The following CES5A variants were observed in gnomAD, a reference collection of about 807,000 sequenced individuals.
CES5A encodes the protein carboxylesterase 5A, also known as carboxylesterase 5.
CES5A carries 67 observed loss-of-function variants against 62.9 expected under a neutral mutation model. The observed-to-expected ratio is 1.07, with a 90% CI of 0.88 to 1.31. The LOEUF (loss-of-function observed/expected upper bound fraction) is 1.31, where lower values mean the gene tolerates loss of function less well. CES5A is among the 50% of genes most tolerant of loss of function. The pLI is 0.00. For synonymous variants in CES5A, 296 were observed against 280.8 expected, an observed-to-expected ratio of 1.05 and a Z score of -0.54; for missense variants, 748 against 708.5, an observed-to-expected ratio of 1.06 and a Z score of -0.63.
intron 3 of CES5A, 106 bp downstream of exon 3, chr16:55,871,504 ATTACATTTCCCTTTT>A: frequency 9.0e-7 from 1 of 1,107,390 alleles, no homozygotes; most frequent in Non-Finnish European, 1.3e-6. Context: ...TGTTGATGTG[ATTACATTTCCCTTTT>A]ACCCAACAGG....
intron 4 of CES5A, among the ~76,000 whole-genome samples, chr16:55,868,948 G>T (rs1431829496): frequency 6.6e-6 from 1 of 152,228 alleles, no homozygotes; most frequent in African/African-American, 2.4e-5. Context: ...CATGGCAAGT[G>T]CACAGCCCCA....
At chr16:55,910,143 G>A (rs1224498490) in intron 1 of CES5A, among the ~76,000 whole-genome samples, 5 of 152,258 alleles carry the variant, frequency 3.3e-5, no homozygotes, top group South Asian at 2.1e-4. Flanking sequence ...GAGCAATGGC[G>A]ATGTGCCCTG....
intron 1 of CES5A, among the ~76,000 whole-genome samples, chr16:55,916,499 C>T (rs1158620050): frequency 4.6e-5 from 7 of 152,186 alleles, no homozygotes; most frequent in African/African-American, 1.7e-4. Context: ...TGGAGTCAGC[C>T]ATGTCAGATT....
At chr16:55,891,179 G>A (rs2142432908) in intron 1 of CES5A, among the ~76,000 whole-genome samples, 1 of 152,258 alleles carries the variant, frequency 6.6e-6, no homozygotes, top group South Asian at 2.1e-4. Context: ...GGTTTAGCCT[G>A]TGTGGTCTAA....
At chr16:55,854,825 C>A (rs1391541252) in intron 9 of CES5A, among the ~76,000 whole-genome samples, 1 of 151,950 alleles carries the variant, frequency 6.6e-6, no homozygotes, top group Admixed American at 6.6e-5. Context: ...AGCCACCATG[C>A]CCAGTTTCAG....
chr16:55,903,642 A>C (rs1447658178), intron 1 of CES5A, among the ~76,000 whole-genome samples: 2 of 152,198 alleles, frequency 1.3e-5, no homozygotes, highest in Non-Finnish European at 2.9e-5. Context: ...GAAATAGTAA[A>C]AATAAAAGAC....
intron 5 of CES5A, among the ~76,000 whole-genome samples, chr16:55,865,261 T>C (rs1479766958): frequency 1.3e-5 from 2 of 152,088 alleles, no homozygotes; most frequent in Non-Finnish European, 2.9e-5. Context: ...ATATATAAAA[T>C]ACACTATACA....
chr16:55,928,242 CA>C (rs200549243), upstream of CES5A, among the ~76,000 whole-genome samples: 2,213 of 139,746 alleles, frequency 0.016, 65 homozygotes, highest in East Asian at 0.11. Context: ...GACTCTGTCT[CA>C]AAAAAAAAAA....
intron 2 of CES5A, among the ~76,000 whole-genome samples, chr16:55,935,518 T>C (rs2034363945): frequency 6.6e-6 from 1 of 152,196 alleles, no homozygotes; most frequent in African/African-American, 2.4e-5. Flanking sequence ...CCCAGTCAAG[T>C]TGACACGTAA....
At chr16:55,866,658 T>TAAAAAAAAAAAAAAAAAAAAAAAAAA (rs369679801) in intron 4 of CES5A, among the ~76,000 whole-genome samples, 10 of 82,840 alleles carry the variant, frequency 1.2e-4, no homozygotes, top group South Asian at 4.2e-4. Context: ...CTGTCTCTGC[T>TAAAAAAAAAAAAAAAAAAAAAAAAAA]AAAAAAAAAA....
At chr16:55,875,399 GAC>G, upstream of CES5A, 1 of 1,382,708 alleles carries the variant, frequency 7.2e-7, no homozygotes, top group Non-Finnish European at 9.4e-7. Flanking sequence ...GACTAAGCAA[GAC>G]TTTCCTGTTC....
chr16:55,916,915 G>A (rs1303466160), intron 1 of CES5A, among the ~76,000 whole-genome samples: 6 of 152,144 alleles, frequency 3.9e-5, no homozygotes, highest in African/African-American at 1.4e-4. Context: ...CTTCTCAGAG[G>A]TATTCACCTT....
At position 55,940,598 on chromosome 16, in the gene CES5A, T is replaced by TTAA. The variant is rs35414519; in HGVS notation, c.160+9184_160+9186dup. Reference sequence around the variant, plus strand: ...CTTTACTAGAAATTCTACAAAATATTTAAAGAAGAAAAAATAATAATTCTA... The same window carrying TTAA: ...CTTTACTAGAAATTCTACAAAATATTTAATAAAGAAGAAAAAATAATAATTCTA... On this transcript the variant is annotated intron_variant, in intron 2 of 13. Coordinates refer to the CES5A transcript ENST00000521992. Among the ~76,000 whole-genome samples, 793 of 151,828 alleles carry TTAA rather than the reference T, an allele frequency of 5.2e-3. 4 individuals carry two copies. Among genetic ancestry groups the TTAA allele is most frequent in the Non-Finnish European group, 9.0e-3 (607 of 67,820 alleles).
In CES5A at chr16:55,849,034, T is replaced by G. The variant is rs192919988; in HGVS notation, c.1423+590A>C. Among the ~76,000 whole-genome samples the G allele has an allele frequency of 2.0e-5, 3 of 152,328 alleles. No individual in the cohort carries two copies. In the East Asian group the frequency reaches 5.8e-4, roughly 29 times the overall value. On this transcript the variant is annotated intron_variant, in intron 11 of 12. Coordinates refer to ENST00000290567, the MANE Select transcript of CES5A (RefSeq NM_001143685.2). The stretch of plus-strand genomic sequence containing the variant: ...TTAAGAGCCTGCATTGTGTAATGTT[T>G]CTAACTAAATATTTTAGTGATAACT...
chr16:55,865,908 A>G, intron 5 of CES5A, 55 bp downstream of exon 5: 1 of 1,603,206 alleles, frequency 6.2e-7, no homozygotes, highest in Non-Finnish European at 8.5e-7. Context: ...ACTCATCATC[A>G]TTTTTGGAAC....
chr16:55,942,549 C>T (rs2034456568), intron 2 of CES5A, among the ~76,000 whole-genome samples: 2 of 152,158 alleles, frequency 1.3e-5, no homozygotes, highest in Non-Finnish European at 2.9e-5. Context: ...AATGTGGAAC[C>T]TATGAACCAT....
Position 55,880,461 on chromosome 16 carries a change from T to G in CES5A, c.-255-6424A>C, listed in dbSNP as rs144010302. 1.1e-3 allele frequency among the ~76,000 whole-genome samples: 167 copies of G among 152,192 alleles called. 1 individual carries two copies. The highest frequency in any genetic ancestry group is 3.8e-3 in the African/African-American group (157 of 41,538). On this transcript the variant is annotated intron_variant, in intron 1 of 12. Transcript: ENST00000518005. ...TCAGGAACACCCCCTCGTCTCACCT[T>G]CCCTCCTCCCCTCCACCCTTGCTCC...
At chr16:55,887,203 A>G (rs2033825551) in intron 1 of CES5A, among the ~76,000 whole-genome samples, 1 of 152,010 alleles carries the variant, frequency 6.6e-6, no homozygotes, top group South Asian at 2.1e-4. Flanking sequence ...CACTTGCAGA[A>G]TTTGTGTTTC....
chr16:55,902,470 C>T (rs1237052072), intron 1 of CES5A, among the ~76,000 whole-genome samples: 1 of 152,212 alleles, frequency 6.6e-6, no homozygotes, highest in African/African-American at 2.4e-5. Flanking sequence ...CTGTTTACCA[C>T]TTCCTAACCA....
Sources: allele counts gnomAD v4.1 joint callset (sites outside exome capture counted in the v4.1 genomes callset), GRCh38; gene constraint gnomAD v4.1.1; transcripts MANE v1.5; gene names NCBI Gene and HGNC (gene_info 2026-07-23, HGNC 2026-07-21).